CTNNA2: variants seen among roughly 807,000 people sequenced by gnomAD.
CTNNA2 encodes catenin alpha-2.
Under a neutral mutation model 101.0 loss-of-function variants are expected in CTNNA2, and 42 were observed. The observed-to-expected ratio is 0.42, with a 90% CI of 0.32 to 0.54. The LOEUF (loss-of-function observed/expected upper bound fraction) is 0.54. Ranked by LOEUF, CTNNA2 falls within the 20% of genes least tolerant of loss-of-function variation. The pLI, the probability that CTNNA2 is intolerant of heterozygous loss-of-function variation, is 0.14. For missense variants in CTNNA2, 871 were observed against 1,223.1 expected (o/e 0.71, Z 4.29); for synonymous variants, 450 against 456.4 (o/e 0.99, Z 0.18).
intron 1 of CTNNA2, among the ~76,000 whole-genome samples, chr2:79,562,882 T>C (rs1674867315): frequency 6.6e-6 from 1 of 151,966 alleles, no homozygotes. Context: ...GGTGTGTGTG[T>C]GTATGTCTGT....
Position 79,949,256 on chromosome 2 carries a change from G to C in CTNNA2, c.1056+39459G>C, listed in dbSNP as rs1286571253. Among the ~76,000 whole-genome samples, 4 of 152,140 alleles carry C rather than the reference G, an allele frequency of 2.6e-5. No individual in the cohort carries two copies. In the South Asian group the frequency reaches 8.3e-4, roughly 32 times the overall value. On this transcript the variant is annotated intron_variant, in intron 7 of 18. Coordinates refer to ENST00000402739, the MANE Select transcript of CTNNA2 (RefSeq NM_001282597.3). ...GTTATGACCCCCAAGGCCTTGTTTA[G>C]ATTTGATGAAGGAATAACGTGCGTG...
chr2:79,216,010 T>C (rs927740209), intron 2 of CTNNA2, among the ~76,000 whole-genome samples: 23 of 151,908 alleles, frequency 1.5e-4, no homozygotes, highest in African/African-American at 5.6e-4. Flanking sequence ...ACGAGTTGCA[T>C]TGGGAACAGA....
intron 7 of CTNNA2, among the ~76,000 whole-genome samples, chr2:80,043,013 C>T (rs992753701): frequency 6.7e-6 from 1 of 148,714 alleles, no homozygotes; most frequent in African/African-American, 2.6e-5. Flanking sequence ...TCCTTCCTTT[C>T]TTTCCCTTTC....
At chr2:79,715,290 C>T (rs957056797) in intron 2 of CTNNA2, among the ~76,000 whole-genome samples, 2 of 148,912 alleles carry the variant, frequency 1.3e-5, no homozygotes, top group African/African-American at 2.5e-5. Context: ...GATGAAGGAA[C>T]GCCTTGCTAA....
intron 7 of CTNNA2, among the ~76,000 whole-genome samples, chr2:80,306,328 C>A (rs1676941776): frequency 6.6e-6 from 1 of 152,134 alleles, no homozygotes; most frequent in African/African-American, 2.4e-5. Context: ...ATGGTTTATC[C>A]AAGGTCATAC....
chr2:80,265,332 G>A (rs1207518405), intron 7 of CTNNA2, among the ~76,000 whole-genome samples: 1 of 152,100 alleles, frequency 6.6e-6, no homozygotes, highest in African/African-American at 2.4e-5. Context: ...CGTTTTTTGA[G>A]CAACAATACG....
intron 7 of CTNNA2, among the ~76,000 whole-genome samples, chr2:80,386,396 G>A (rs1462972352): frequency 6.6e-6 from 1 of 152,056 alleles, no homozygotes; most frequent in African/African-American, 2.4e-5. Context: ...TATTTAGAAA[G>A]GTCCACATGC....
intron 4 of CTNNA2, among the ~76,000 whole-genome samples, chr2:79,484,240 C>CAATAAAATAA: frequency 6.6e-6 from 1 of 151,648 alleles, no homozygotes; most frequent in Non-Finnish European, 1.5e-5. Context: ...GACCCTGTCA[C>CAATAAAATAA]AATAAAATAA....
At chr2:80,233,730 A>G (rs1015628758) in intron 7 of CTNNA2, among the ~76,000 whole-genome samples, 3 of 152,216 alleles carry the variant, frequency 2.0e-5, no homozygotes, top group Non-Finnish European at 4.4e-5. Context: ...ATATCTGCAC[A>G]GCAAAATATC....
chr2:80,082,070 C>T (rs1487762372), intron 7 of CTNNA2, among the ~76,000 whole-genome samples: 1 of 152,034 alleles, frequency 6.6e-6, no homozygotes, highest in Non-Finnish European at 1.5e-5. Flanking sequence ...GGTGTCTCTC[C>T]AGAGGGTTCC....
intron 1 of CTNNA2, among the ~76,000 whole-genome samples, chr2:79,595,361 A>G (rs1172628543): frequency 6.6e-6 from 1 of 152,146 alleles, no homozygotes; most frequent in Non-Finnish European, 1.5e-5. Context: ...TGACTCACAA[A>G]TCTCTATTTC....
At chr2:80,110,621 G>A (rs1197437112) in intron 7 of CTNNA2, among the ~76,000 whole-genome samples, 1 of 152,132 alleles carries the variant, frequency 6.6e-6, no homozygotes, top group Non-Finnish European at 1.5e-5. Flanking sequence ...TGTGGTGTAG[G>A]TGAGAGAAAA....
At chr2:79,748,189 A>G (rs1671768762) in intron 3 of CTNNA2, among the ~76,000 whole-genome samples, 1 of 152,144 alleles carries the variant, frequency 6.6e-6, no homozygotes, top group African/African-American at 2.4e-5. Context: ...CTGTTTGCCC[A>G]TTACCCAAAT....
chr2:79,762,223 C>T (rs940221306), intron 3 of CTNNA2, among the ~76,000 whole-genome samples: 1 of 152,130 alleles, frequency 6.6e-6, no homozygotes, highest in African/African-American at 2.4e-5. Flanking sequence ...GAATCCACTG[C>T]CCAATGTTGG....
intron 4 of CTNNA2, among the ~76,000 whole-genome samples, chr2:79,453,771 A>C (rs751607719): frequency 4.7e-4 from 71 of 152,120 alleles, no homozygotes; most frequent in Non-Finnish European, 7.9e-4. Context: ...CTATAACTGA[A>C]ATAATTCATC....
intron 6 of CTNNA2, among the ~76,000 whole-genome samples, chr2:79,888,965 T>A (rs1017797795): frequency 6.6e-6 from 1 of 152,156 alleles, no homozygotes; most frequent in African/African-American, 2.4e-5. Flanking sequence ...TAGAGCAACA[T>A]GTGGTTTATT....
chr2:80,146,713 T>TTTTG (rs1703361629), intron 7 of CTNNA2, among the ~76,000 whole-genome samples: 1 of 68,028 alleles, frequency 1.5e-5, no homozygotes, highest in Non-Finnish European at 2.5e-5. Context: ...CCCTCTGGTT[T>TTTTG]TTTTTTTTTT....
At chr2:79,492,543 A>G (rs1014987806) in intron 4 of CTNNA2, among the ~76,000 whole-genome samples, 1 of 152,132 alleles carries the variant, frequency 6.6e-6, no homozygotes, top group Non-Finnish European at 1.5e-5. Flanking sequence ...TGAAAATATA[A>G]TAAGATTTAT....
intron 9 of CTNNA2, among the ~76,000 whole-genome samples, chr2:80,453,480 G>C (rs897418649): frequency 6.6e-6 from 1 of 152,076 alleles, no homozygotes; most frequent in Non-Finnish European, 1.5e-5. Flanking sequence ...ATTCTCTGCT[G>C]GCTTTAGCAA....
Sources: allele counts gnomAD v4.1 joint callset (sites outside exome capture counted in the v4.1 genomes callset), GRCh38; gene constraint gnomAD v4.1.1; transcripts MANE v1.5; gene names NCBI Gene and HGNC (gene_info 2026-07-23, HGNC 2026-07-21).